The following CDK12 variants were observed in gnomAD, a reference collection of about 807,000 sequenced individuals.
CDK12 encodes cyclin-dependent kinase 12.
Under a neutral mutation model 133.8 loss-of-function variants are expected in CDK12, and 17 were observed. The observed-to-expected ratio is 0.13, with a 90% CI of 0.09 to 0.19. The LOEUF is 0.19. Among genes scored for constraint, CDK12 ranks in the 10% least tolerant of loss-of-function variants. CDK12 has a pLI of 1.00. For synonymous variants in CDK12, 694 were observed against 683.6 expected, an observed-to-expected ratio of 1.02 and a Z score of -0.24; for missense variants, 1,508 against 1,818.7, an observed-to-expected ratio of 0.83 and a Z score of 3.11.
chr17:39,519,171 G>A (rs541120089), intron 10 of CDK12, among the ~76,000 whole-genome samples: 56 of 152,106 alleles, frequency 3.7e-4, no homozygotes, highest in South Asian at 1.9e-3. Flanking sequence ...ACAAAGTGCT[G>A]GGATTACAGG....
At chr17:39,466,758 A>C (rs2049353980) in intron 1 of CDK12, among the ~76,000 whole-genome samples, 1 of 151,584 alleles carries the variant, frequency 6.6e-6, no homozygotes, top group Admixed American at 6.6e-5. Flanking sequence ...ATATAAACAT[A>C]TAATATTCCC....
intron 9 of CDK12, 71 bp from the exon 10 acceptor site, chr17:39,517,369 C>A: frequency 1.2e-6 from 1 of 864,364 alleles, no homozygotes; most frequent in Non-Finnish European, 1.9e-6. Context: ...ATAATTTCTG[C>A]TTCTGAAACC....
In CDK12 at chr17:39,562,043, G is replaced by A. The variant is rs371510529; in HGVS notation, n.485-2717G>A. 1.1e-4 allele frequency among the ~76,000 whole-genome samples: 17 copies of A among 152,284 alleles called. No individual in the cohort carries two copies. In the East Asian group the frequency reaches 3.3e-3, roughly 29 times the overall value. On this transcript the variant is annotated intron_variant and non_coding_transcript_variant, in intron 3 of 3. Coordinates refer to the CDK12 transcript ENST00000558240. Reference sequence around the variant, plus strand: ...CAACCTCCGCCTCCTGGGTTCAAGCGATTCTCCTGCCCCAGCCTCCCAAGT... The same window carrying A: ...CAACCTCCGCCTCCTGGGTTCAAGCAATTCTCCTGCCCCAGCCTCCCAAGT...
intron 2 of CDK12, among the ~76,000 whole-genome samples, chr17:39,485,406 C>T (rs930933049): frequency 2.2e-5 from 3 of 133,858 alleles, no homozygotes; most frequent in Non-Finnish European, 4.6e-5. Flanking sequence ...GGCATCCCCC[C>T]CCTTTTTTTT....
At chr17:39,481,691 TC>T (rs2050708455) in intron 2 of CDK12, among the ~76,000 whole-genome samples, 3 of 11,186 alleles carry the variant, frequency 2.7e-4, no homozygotes, top group Non-Finnish European at 7.1e-4. Flanking sequence ...TCTCTCTCTC[TC>T]TCTCTCTCTC....
chr17:39,463,192 G>C, intron 1 of CDK12, 75 bp downstream of exon 1: 2 of 1,315,536 alleles, frequency 1.5e-6, no homozygotes, highest in Non-Finnish European at 2.1e-6. Flanking sequence ...TGTTAACATT[G>C]TCTGGAAGCC....
At chr17:39,526,437 T>A in intron 13 of CDK12, 121 bp downstream of exon 13, 1 of 710,226 alleles carries the variant, frequency 1.4e-6, no homozygotes, top group Non-Finnish European at 2.3e-6. Flanking sequence ...TGTAACCTAG[T>A]CTACAGGAGA....
chr17:39,565,168 C>T (rs903090790), downstream of CDK12, among the ~76,000 whole-genome samples: 4 of 152,202 alleles, frequency 2.6e-5, no homozygotes, highest in Non-Finnish European at 4.4e-5. Context: ...GGCTGGAGTG[C>T]AGTGGTGTAA....
intron 2 of CDK12, among the ~76,000 whole-genome samples, chr17:39,556,025 C>T (rs2056150352): frequency 6.7e-6 from 1 of 148,638 alleles, no homozygotes; most frequent in South Asian, 2.1e-4. Context: ...CAGAGTGAGA[C>T]CCTGTCTCAA....
rs780693925 is a variant in CDK12, at chr17:39,525,950, C to T, written c.3394C>T (p.Pro1132Ser). Residue 1132 changes from proline (P) to serine (S), a missense_variant, in exon 13 of 14, where the codon CCT (proline) becomes TCT (serine). Physicochemically the swap from Pro to Ser is moderately conservative, Grantham distance 74. Transcript: ENST00000447079. Reference sequence around the variant, plus strand: ...GCAGAGCCAAACCGACCTGAGCATCCCTCAAATGGCACAGCTGCTTAACAT... The same window carrying T: ...GCAGAGCCAAACCGACCTGAGCATCTCTCAAATGGCACAGCTGCTTAACAT... ...LLQSQTDLSI[P>S]QMAQLLNIHS... 1 of 1,614,042 alleles carries T rather than the reference C, an allele frequency of 6.2e-7. No individual in the cohort carries two copies. The highest frequency in any genetic ancestry group is 1.3e-5 in the African/African-American group (1 of 74,920).
At chr17:39,540,112 CTG>C (rs2055341476) in intron 1 of CDK12, among the ~76,000 whole-genome samples, 1 of 152,146 alleles carries the variant, frequency 6.6e-6, no homozygotes, top group African/African-American at 2.4e-5. Flanking sequence ...ACATGAAGCA[CTG>C]AGAGTTTACA....
chr17:39,461,905 G>C lies in CDK12; in HGVS notation c.-167G>C. ...CACCCCCCACCTCATGTAGAAGGGT[G>C]CTGAGGCGTCGGGAGGGAGGAGGAG... is the stretch of plus-strand genomic sequence containing the variant. On this transcript the variant is annotated 5_prime_UTR_variant, in exon 1 of 14. Transcript: ENST00000447079. 3 of 616,790 alleles carry C rather than the reference G, an allele frequency of 4.9e-6. No individual in the cohort carries two copies. The highest frequency in any genetic ancestry group is 8.7e-6 in the Non-Finnish European group (3 of 345,132). 38.2% of individuals were successfully genotyped at this position (616,790 alleles called of 1,614,324 possible). A position where few individuals can be genotyped will look rare whatever the true frequency, so the allele number is the denominator to read the frequency against.
rs770201826 is a variant in CDK12 at position 39,531,138 on chromosome 17, A to T, written c.4295A>T (p.His1432Leu). 1 of 1,544,334 alleles carries T rather than the reference A, an allele frequency of 6.5e-7. No individual in the cohort carries two copies. The highest frequency in any genetic ancestry group is 2.3e-5 in the East Asian group (1 of 44,360). The change falls in exon 14 of 14, where the codon CAT (histidine) becomes CTT (leucine). Residue 1432 changes from histidine (H) to leucine (L), a missense_variant. Around this residue, in one of 9 missense-constraint regions of CDK12, gnomAD observed 114 missense variants for 101.2 expected, o/e 1.13. Transcript: ENST00000447079. Reference sequence around the variant, plus strand: ...GAGGGAAGCAGCAATTCTGTGGTACATGCAGAGACCAAATTGCAAAACTAT... The same window carrying T: ...GAGGGAAGCAGCAATTCTGTGGTACTTGCAGAGACCAAATTGCAAAACTAT... ...KAEGSSNSVVHAETKLQNYGE... is the reference protein window; with the variant it reads ...KAEGSSNSVVLAETKLQNYGE...
chr17:39,543,163 C>T (rs1434007396), upstream of CDK12, among the ~76,000 whole-genome samples: 1 of 152,206 alleles, frequency 6.6e-6, no homozygotes. Context: ...GAGGTATGCT[C>T]TGAGATTACA....
At chr17:39,567,348 C>T (rs1045118961), downstream of CDK12, 2 of 152,184 alleles carry the variant, frequency 1.3e-5, no homozygotes, top group African/African-American at 4.8e-5. Flanking sequence ...TATATCATTC[C>T]TTCAGAGCAC....
In CDK12 at chr17:39,517,618, T is replaced by G; in HGVS notation, c.2963+62T>G. 12 of 977,186 alleles carry G rather than the reference T, an allele frequency of 1.2e-5. No individual in the cohort carries two copies. In the South Asian group the frequency reaches 1.6e-4, roughly 13 times the overall value. The allele number at this position is 977,186 out of a possible 1,614,324, so 60.5% of individuals were successfully genotyped here. A position where few individuals can be genotyped will look rare whatever the true frequency, so the allele number is the denominator to read the frequency against. ...CTGGCTGGTGTTGGGACTTGGCTTT[T>G]TCCTGGTCTGGGTAGTTAATGTTGT... On this transcript the variant is annotated intron_variant, in intron 10 of 13. Transcript: ENST00000447079.
At chr17:39,517,645 C>T (rs567360590) in intron 10 of CDK12, 89 bp downstream of exon 10, 13 of 746,680 alleles carry the variant, frequency 1.7e-5, no homozygotes, top group Non-Finnish European at 2.4e-5. Context: ...TAATGTTGTC[C>T]CAGTTTATCA....
intron 2 of CDK12, among the ~76,000 whole-genome samples, chr17:39,485,551 A>T (rs2145694834): frequency 6.6e-6 from 1 of 151,672 alleles, no homozygotes; most frequent in African/African-American, 2.4e-5. Context: ...AGCTGGGACT[A>T]ACAGGCGGGT....
chr17:39,475,953 A>G (rs1482166993), intron 2 of CDK12, among the ~76,000 whole-genome samples: 1 of 152,176 alleles, frequency 6.6e-6, no homozygotes, highest in Non-Finnish European at 1.5e-5. Context: ...TTTGTTGGAA[A>G]AGGAAATAGT....
Sources: gnomAD v4.1 joint callset for allele counts (sites outside exome capture counted in the v4.1 genomes callset) on GRCh38, gnomAD v4.1.1 for gene constraint, gnomAD v4.1.1 regional missense constraint, MANE v1.5 for transcripts, NCBI Gene and HGNC (gene_info 2026-07-23, HGNC 2026-07-21) for gene names.